ATP2C1: variants seen among roughly 807,000 people sequenced by gnomAD.
ATP2C1 encodes the protein calcium-transporting ATPase type 2C member 1.
A neutral mutation model predicts 120.5 loss-of-function variants in ATP2C1; 31 were observed. The observed-to-expected ratio is 0.26, with a 90% CI of 0.19 to 0.35. The LOEUF is 0.35. Among genes scored for constraint, ATP2C1 ranks in the 10% least tolerant of loss-of-function variants. ATP2C1 has a pLI of 1.00. For synonymous variants in ATP2C1, 351 were observed against 358.7 expected, an observed-to-expected ratio of 0.98 and a Z score of 0.24; for missense variants, 731 against 1,107.5, an observed-to-expected ratio of 0.66 and a Z score of 4.83.
chr3:130,862,392 C>T (rs977225517), intron 1 of ATP2C1, among the ~76,000 whole-genome samples: 5 of 150,744 alleles, frequency 3.3e-5, no homozygotes, highest in African/African-American at 7.3e-5. Context: ...TGTTGGCCAG[C>T]GTGGTCCCGA....
In ATP2C1 at chr3:130,984,391, C is replaced by T. The variant is rs75349741; in HGVS notation, c.1839+3712C>T. Among the ~76,000 whole-genome samples the T allele has an allele frequency of 1.3e-3, 191 of 152,170 alleles. 2 individuals are homozygous for T. In the East Asian group the frequency reaches 0.031, roughly 25 times the overall value. ...CTAATGTTCAACACATTTGTAAGGCCGTTAACATATATTGCTGAATTGTCC... is the reference window on the plus strand; with the variant it reads ...CTAATGTTCAACACATTTGTAAGGCTGTTAACATATATTGCTGAATTGTCC... On this transcript the variant is annotated intron_variant, in intron 20 of 27. Coordinates refer to ENST00000510168, the MANE Select transcript of ATP2C1 (RefSeq NM_001378687.1).
At chr3:130,955,857 G>A (rs1213061634) in intron 10 of ATP2C1, 1 of 406,342 alleles carries the variant, frequency 2.5e-6, no homozygotes, top group Admixed American at 3.7e-5. Context: ...AGCATAGAGA[G>A]AACGGACCTT....
chr3:130,953,905 A>G lies in ATP2C1; in HGVS notation c.616A>G (p.Thr206Ala). ...SKVTAPQPAATNGDLASRSNI... is the reference protein window; with the variant it reads ...SKVTAPQPAAANGDLASRSNI... Reference sequence around the variant, plus strand: ...GGTGACAGCTCCTCAGCCAGCTGCAACTAATGGAGATCTTGCATCGAGAAG... The same window carrying G: ...GGTGACAGCTCCTCAGCCAGCTGCAGCTAATGGAGATCTTGCATCGAGAAG... The change falls in exon 9 of 28, where the codon ACT becomes GCT. Residue 206 changes from threonine (T) to alanine (A), a missense_variant. This residue lies in a region of ATP2C1 where 571 missense variants were observed against 845.9 expected (regional missense o/e 0.67). Transcript: ENST00000510168. The G allele has an allele frequency of 1.9e-6, 3 of 1,614,086 alleles. No homozygotes were observed. The highest frequency in any genetic ancestry group is 1.1e-5 in the South Asian group (1 of 91,090).
At chr3:130,915,700 CAT>C (rs2058659130) in intron 2 of ATP2C1, among the ~76,000 whole-genome samples, 1 of 152,098 alleles carries the variant, frequency 6.6e-6, no homozygotes, top group South Asian at 2.1e-4. Context: ...CAAAAAAGCT[CAT>C]AGAAGGAATG....
At chr3:130,934,749 A>C (rs1355840289) in intron 5 of ATP2C1, 38 bp downstream of exon 5, 19 of 1,380,156 alleles carry the variant, frequency 1.4e-5, no homozygotes, top group Non-Finnish European at 2.0e-5. Context: ...CTGTTGAGTA[A>C]GTGTATAAAT....
intron 8 of ATP2C1, among the ~76,000 whole-genome samples, chr3:130,947,486 A>G (rs959157753): frequency 6.6e-6 from 1 of 152,188 alleles, no homozygotes; most frequent in African/African-American, 2.4e-5. Context: ...ACTGAAATAC[A>G]TGTGCCTATT....
downstream of ATP2C1, among the ~76,000 whole-genome samples, chr3:131,003,693 G>A (rs1375550685): frequency 2.6e-5 from 4 of 152,080 alleles, no homozygotes; most frequent in African/African-American, 9.7e-5. Flanking sequence ...TATTTATATA[G>A]CAGTAACCAC....
At chr3:130,947,767 CTTTG>C (rs958456633) in intron 8 of ATP2C1, among the ~76,000 whole-genome samples, 4 of 151,972 alleles carry the variant, frequency 2.6e-5, no homozygotes, top group African/African-American at 4.8e-5. Context: ...TTGTGCCCTT[CTTTG>C]TTTTTTTTCC....
intron 8 of ATP2C1, among the ~76,000 whole-genome samples, chr3:130,943,308 T>A (rs1414318270): frequency 6.6e-6 from 1 of 152,174 alleles, no homozygotes; most frequent in Non-Finnish European, 1.5e-5. Context: ...CTCCATCTCC[T>A]GGGTTCAAGC....
At chr3:130,891,345 C>T (rs1474857802), upstream of ATP2C1, among the ~76,000 whole-genome samples, 3 of 152,048 alleles carry the variant, frequency 2.0e-5, no homozygotes, top group African/African-American at 2.4e-5. Flanking sequence ...AACAAGATAC[C>T]GCACACCCTT....
At chr3:130,861,536 A>T (rs1289013929) in intron 1 of ATP2C1, among the ~76,000 whole-genome samples, 2 of 152,210 alleles carry the variant, frequency 1.3e-5, no homozygotes, top group African/African-American at 4.8e-5. Flanking sequence ...AATGGATTGG[A>T]TGAGGAACGT....
At chr3:130,926,937 A>G (rs543517163) in intron 2 of ATP2C1, among the ~76,000 whole-genome samples, 1 of 152,368 alleles carries the variant, frequency 6.6e-6, no homozygotes, top group East Asian at 1.9e-4. Flanking sequence ...GGTAGAAAAC[A>G]GCTATATAAA....
At chr3:130,997,483 C>A in intron 24 of ATP2C1, 123 bp from the exon 25 acceptor site, 1 of 896,638 alleles carries the variant, frequency 1.1e-6, no homozygotes, top group South Asian at 1.5e-5. Context: ...TTTTATGATG[C>A]AACATTTTGT....
chr3:130,870,198 T>C (rs917967808), intron 1 of ATP2C1, among the ~76,000 whole-genome samples: 1 of 152,146 alleles, frequency 6.6e-6, no homozygotes, highest in Non-Finnish European at 1.5e-5. Context: ...CCTTTCAAAA[T>C]ATTACTGCTC....
At chr3:131,015,130 T>C (rs2063539269) in intron 26 of ATP2C1, 1 of 658,204 alleles carries the variant, frequency 1.5e-6, no homozygotes. Context: ...AGCTCAGATA[T>C]AAGGCCCAGA....
chr3:130,945,901 GTTT>G (rs758908944), intron 8 of ATP2C1, among the ~76,000 whole-genome samples: 1 of 130,832 alleles, frequency 7.6e-6, no homozygotes, highest in Non-Finnish European at 1.7e-5. Flanking sequence ...AAGGTTGTGG[GTTT>G]TTTTTTTTTT....
chr3:130,946,591 C>T (rs1412949772), intron 8 of ATP2C1, among the ~76,000 whole-genome samples: 1 of 152,224 alleles, frequency 6.6e-6, no homozygotes, highest in Non-Finnish European at 1.5e-5. Context: ...TAACAAGCAG[C>T]TTCCTCCACG....
intron 17 of ATP2C1, among the ~76,000 whole-genome samples, chr3:130,974,116 T>TA (rs1158355291): frequency 6.6e-6 from 1 of 152,084 alleles, no homozygotes; most frequent in Non-Finnish European, 1.5e-5. Flanking sequence ...TGTGAAAAAA[T>TA]ACCATGAGAA....
At chr3:130,915,841 T>C (rs1030608689) in intron 2 of ATP2C1, among the ~76,000 whole-genome samples, 2 of 152,126 alleles carry the variant, frequency 1.3e-5, no homozygotes, top group Non-Finnish European at 1.5e-5. Flanking sequence ...GCCACTTCAG[T>C]AGTGTGGTTT....
Sources: allele counts gnomAD v4.1 joint callset (sites outside exome capture counted in the v4.1 genomes callset), GRCh38; gene constraint gnomAD v4.1.1; regional missense constraint gnomAD v4.1.1; transcripts MANE v1.5; gene names NCBI Gene and HGNC (gene_info 2026-07-23, HGNC 2026-07-21).